PCLO: variants seen among roughly 807,000 people sequenced by gnomAD.
PCLO encodes the protein piccolo presynaptic cytomatrix protein, also known as protein piccolo.
PCLO carries 82 observed loss-of-function variants against 427.5 expected under a neutral mutation model. The observed-to-expected ratio is 0.19, with a 90% confidence interval of 0.16 to 0.23. The LOEUF (loss-of-function observed/expected upper bound fraction) is 0.23. PCLO is among the 10% of genes least tolerant of loss of function. The pLI, the probability that PCLO is intolerant of heterozygous loss-of-function variation, is 1.00. For synonymous variants in PCLO, 2,357 were observed against 2,155.4 expected (o/e 1.09, Z -2.59); for missense variants, 6,239 against 6,115.9 (o/e 1.02, Z -0.67).
chr7:82,798,958 T>A (rs1041047207), intron 22 of PCLO, among the ~76,000 whole-genome samples: 6 of 152,126 alleles, frequency 3.9e-5, no homozygotes, highest in African/African-American at 1.2e-4. Context: ...GGGAAACATA[T>A]TGACTCATAA....
At chr7:82,981,277 G>C (rs1796141137) in intron 3 of PCLO, among the ~76,000 whole-genome samples, 1 of 151,142 alleles carries the variant, frequency 6.6e-6, no homozygotes, top group Non-Finnish European at 1.5e-5. Flanking sequence ...AAAGAATACA[G>C]AGGGTACTTA....
intron 3 of PCLO, among the ~76,000 whole-genome samples, chr7:83,107,435 A>T (rs371323610): frequency 5.3e-5 from 8 of 152,102 alleles, no homozygotes; most frequent in African/African-American, 1.9e-4. Flanking sequence ...CTTAGGCCTT[A>T]GCTGAGATTT....
At chr7:82,769,305 T>C (rs1009533612) in intron 22 of PCLO, among the ~76,000 whole-genome samples, 12 of 152,310 alleles carry the variant, frequency 7.9e-5, no homozygotes, top group Middle Eastern at 3.4e-3. Context: ...GAAGTTATTG[T>C]CTACATAGGC....
intron 22 of PCLO, among the ~76,000 whole-genome samples, chr7:82,762,521 A>G (rs1303329528): frequency 1.3e-5 from 2 of 151,836 alleles, no homozygotes; most frequent in African/African-American, 4.8e-5. Flanking sequence ...TTTACACTCA[A>G]AAAAAATTGA....
chr7:83,141,135 C>A (rs1791849075), intron 2 of PCLO, among the ~76,000 whole-genome samples: 1 of 152,184 alleles, frequency 6.6e-6, no homozygotes, highest in South Asian at 2.1e-4. Flanking sequence ...AGTGGCACTG[C>A]CTCTCCAACA....
intron 20 of PCLO, among the ~76,000 whole-genome samples, chr7:82,808,418 C>T (rs1026333791): frequency 2.6e-5 from 4 of 151,772 alleles, no homozygotes. Flanking sequence ...TTCTATTCCT[C>T]TTCTGGAAAA....
rs1261619683 is a variant in PCLO at position 82,966,470 on chromosome 7, A to G, written c.3318T>C (p.Cys1106=). The stretch of plus-strand genomic sequence containing the variant: ...TTGCTCTCTGGGTTTGGCAATTTAA[A>G]CAAAGCCATTCTTGAATCTGTGGGA... ...PHLTEIQEWL[C]LNCQTQRAIS... Residue 1106 remains cysteine (C), a synonymous_variant, in exon 4 of 25, where the codon TGT becomes TGC. Transcript: ENST00000333891. The G allele has an allele frequency of 1.9e-6, 3 of 1,576,986 alleles. No individual in the cohort carries two copies. Among genetic ancestry groups the G allele is most frequent in the Non-Finnish European group, 2.6e-6 (3 of 1,165,452 alleles).
chr7:82,976,541 A>T (rs895010738), intron 3 of PCLO, among the ~76,000 whole-genome samples: 2 of 152,096 alleles, frequency 1.3e-5, no homozygotes, highest in Admixed American at 6.6e-5. Context: ...AAGGGATGAT[A>T]ATTTTTTACA....
Position 82,952,191 on chromosome 7 carries a change from G to T in PCLO, c.8762C>A (p.Thr2921Asn), listed in dbSNP as rs760547465. Reference protein sequence around the residue: ...TMDESTSSVMTKIIEDEKPVD... With the variant: ...TMDESTSSVMNKIIEDEKPVD... The stretch of plus-strand genomic sequence containing the variant: ...GGGTTTTTCATCTTCTATTATTTTG[G>T]TCATCACACTTGAAGTAGACTCATC... The change falls in exon 5 of 25, where the codon ACC becomes AAC. Residue 2921 changes from threonine to asparagine, a missense_variant. Thr to Asn is a moderately conservative substitution (Grantham distance 65). Around this residue, in one of 5 missense-constraint regions of PCLO, gnomAD observed 4,677 missense variants for 4,468.4 expected, o/e 1.05. Coordinates refer to ENST00000333891, the MANE Select transcript of PCLO (RefSeq NM_033026.6). 6.2e-7 allele frequency: 1 copy of T among 1,613,310 alleles called. No homozygotes were observed. Among genetic ancestry groups the T allele is most frequent in the Non-Finnish European group, 8.5e-7 (1 of 1,179,800 alleles).
intron 3 of PCLO, among the ~76,000 whole-genome samples, chr7:83,120,513 A>C (rs1430551891): frequency 6.6e-6 from 1 of 152,050 alleles, no homozygotes; most frequent in Non-Finnish European, 1.5e-5. Flanking sequence ...CAGCAGATTT[A>C]ACCCAAATAA....
chr7:83,029,145 A>G (rs1384731715), intron 3 of PCLO, among the ~76,000 whole-genome samples: 2 of 151,022 alleles, frequency 1.3e-5, no homozygotes, highest in Admixed American at 6.6e-5. Flanking sequence ...GCACAGCAAA[A>G]GAAACTACCA....
chr7:83,079,696 T>G (rs377758002), intron 3 of PCLO, among the ~76,000 whole-genome samples: 2 of 152,200 alleles, frequency 1.3e-5, no homozygotes, highest in East Asian at 3.9e-4. Context: ...AATTACATAA[T>G]GAAGAGAGGA....
In PCLO at chr7:82,950,496, T is replaced by C; in HGVS notation, c.10092A>G (p.Ala3364=). ...DATTTASAVV[A]IEIPQSQGWY... ...ATCCTTGGCTTTGTGGTATTTCAAT[T>C]GCCACAACAGCTGAAGCTGTGGTGG... The change falls in exon 6 of 25, where the codon GCA becomes GCG. Residue 3364 remains alanine (A), a synonymous_variant. Coordinates refer to ENST00000333891, the MANE Select transcript of PCLO (RefSeq NM_033026.6). The C allele has an allele frequency of 6.2e-7, 1 of 1,613,780 alleles. No individual in the cohort carries two copies. Among genetic ancestry groups the C allele is most frequent in the Non-Finnish European group, 8.5e-7 (1 of 1,179,840 alleles).
intron 3 of PCLO, among the ~76,000 whole-genome samples, chr7:82,979,857 T>G (rs1796108314): frequency 6.6e-6 from 1 of 152,212 alleles, no homozygotes; most frequent in African/African-American, 2.4e-5. Flanking sequence ...TTAGTAATTC[T>G]AAAACTACAG....
chr7:82,795,828 C>T (rs1056166089), intron 22 of PCLO, among the ~76,000 whole-genome samples: 15 of 152,070 alleles, frequency 9.9e-5, no homozygotes, highest in Admixed American at 7.9e-4. Context: ...TAATTTTCTA[C>T]ATCTATACTA....
chr7:83,024,684 C>A (rs1255509709), intron 3 of PCLO, among the ~76,000 whole-genome samples: 1 of 152,228 alleles, frequency 6.6e-6, no homozygotes, highest in East Asian at 1.9e-4. Context: ...CAGCAGTAAC[C>A]TCTGCAGACT....
At chr7:82,890,407 T>C (rs1793730186) in intron 9 of PCLO, among the ~76,000 whole-genome samples, 1 of 152,010 alleles carries the variant, frequency 6.6e-6, no homozygotes, top group South Asian at 2.1e-4. Context: ...TTGTAAGTTC[T>C]TTAAGCAAGG....
chr7:83,159,088 T>C (rs937929491), intron 1 of PCLO, among the ~76,000 whole-genome samples: 5 of 152,104 alleles, frequency 3.3e-5, no homozygotes, highest in Non-Finnish European at 7.4e-5. Flanking sequence ...GTCTGGCAAC[T>C]AGTAGATGAG....
chr7:83,008,433 T>C (rs991038598), intron 3 of PCLO, among the ~76,000 whole-genome samples: 4 of 151,738 alleles, frequency 2.6e-5, no homozygotes, highest in African/African-American at 9.7e-5. Flanking sequence ...TTTATGTATT[T>C]TGTAATTTAA....
Sources: allele counts gnomAD v4.1 joint callset (sites outside exome capture counted in the v4.1 genomes callset), GRCh38; gene constraint gnomAD v4.1.1; regional missense constraint gnomAD v4.1.1; transcripts MANE v1.5; gene names NCBI Gene and HGNC (gene_info 2026-07-23, HGNC 2026-07-21).